The following TSHR variants were observed in gnomAD, a reference collection of about 807,000 sequenced individuals.
TSHR encodes the protein thyrotropin receptor.
A neutral mutation model predicts 64.1 loss-of-function variants in TSHR; 51 were observed. The observed-to-expected ratio is 0.80, with a 90% CI of 0.64 to 1.01. The LOEUF is 1.01. Ranked by LOEUF, TSHR falls within the 50% of genes least tolerant of loss-of-function variation. The pLI is 0.00. For missense variants in TSHR, 877 were observed against 942.8 expected (o/e 0.93, Z 0.91); for synonymous variants, 361 against 361.9 (o/e 1.00, Z 0.03).
At chr14:81,003,627 C>T (rs969981872) in intron 1 of TSHR, 5 of 185,132 alleles carry the variant, frequency 2.7e-5, no homozygotes, top group African/African-American at 2.3e-5. Context: ...TTTTCTGGGT[C>T]GAGTGAATAG....
chr14:81,138,266 C>T, intron 8 of TSHR, among the ~76,000 whole-genome samples: 1 of 149,490 alleles, frequency 6.7e-6, no homozygotes, highest in Non-Finnish European at 1.5e-5. Context: ...TCTCAGCTCA[C>T]TGCAACTTCC....
intron 7 of TSHR, among the ~76,000 whole-genome samples, chr14:81,107,595 G>A (rs1889977223): frequency 6.6e-6 from 1 of 152,026 alleles, no homozygotes. Flanking sequence ...ACCCTCTAAT[G>A]CCCAGTGTGT....
chr14:80,958,971 T>C (rs1197472346), intron 1 of TSHR, among the ~76,000 whole-genome samples: 1 of 152,234 alleles, frequency 6.6e-6, no homozygotes, highest in Non-Finnish European at 1.5e-5. Context: ...TTAGACATTT[T>C]ACAAATTATG....
rs183948662 is a variant in TSHR at position 81,126,356 on chromosome 14, A to T, written c.693-13323A>T. On this transcript the variant is annotated intron_variant, in intron 8 of 9. Transcript: ENST00000298171. The stretch of plus-strand genomic sequence containing the variant: ...CCCGAAAGATTTTTACTTTAAATAA[A>T]AGTTCTCCAAAACACCAGGAGCCAC... Among the ~76,000 whole-genome samples, 4 of 152,294 alleles carry T rather than the reference A, an allele frequency of 2.6e-5. No individual in the cohort carries two copies. In the East Asian group the frequency reaches 7.7e-4, roughly 29 times the overall value.
At chr14:80,980,082 C>G (rs879860897) in intron 1 of TSHR, among the ~76,000 whole-genome samples, 2 of 152,166 alleles carry the variant, frequency 1.3e-5, no homozygotes, top group African/African-American at 2.4e-5. Context: ...TTAGTCACTT[C>G]TATTATTTCA....
chr14:81,016,544 C>G (rs372376488), intron 1 of TSHR, among the ~76,000 whole-genome samples: 94 of 152,134 alleles, frequency 6.2e-4, no homozygotes, highest in African/African-American at 1.5e-3. Context: ...ATATAGTTCA[C>G]AAATATTTTC....
chr14:80,959,231 C>A lies in TSHR; in HGVS notation c.170+3381C>A, dbSNP rs558664087. On this transcript the variant is annotated intron_variant, in intron 1 of 9. Transcript: ENST00000298171. ...AGGGAGAGCTGGGATCCCTACTTCC[C>A]CCACTGCCAGTGGAACATTCTAGAA... Among the ~76,000 whole-genome samples the A allele has an allele frequency of 2.6e-5, 4 of 152,180 alleles. No individual in the cohort carries two copies. The South Asian group carries it at 6.2e-4, about 24-fold the overall frequency.
chr14:81,090,390 G>A (rs1048019473), intron 4 of TSHR, among the ~76,000 whole-genome samples: 7 of 152,126 alleles, frequency 4.6e-5, no homozygotes, highest in African/African-American at 9.7e-5. Context: ...GATTACAGGC[G>A]CATGCCAACA....
rs959214856 is a variant in TSHR at position 81,108,774 on chromosome 14, A to G, written c.692+322A>G. The G allele has an allele frequency of 2.5e-6, 4 of 1,599,576 alleles. No individual in the cohort carries two copies. The African/African-American group carries it at 5.3e-5, about 21-fold the overall frequency. On this transcript the variant is annotated intron_variant, in intron 8 of 9. Transcript: ENST00000298171. ...TGAAAAATTTTGAAATGCAAGATCC[A>G]CAACTAGATGGAAGGCACTCTAGTC...
chr14:81,016,165 G>A (rs1056778443), intron 1 of TSHR, among the ~76,000 whole-genome samples: 1 of 152,116 alleles, frequency 6.6e-6, no homozygotes, highest in African/African-American at 2.4e-5. Context: ...GAATCATATG[G>A]TGGCTCTATT....
At chr14:81,126,037 G>A (rs150724126) in intron 8 of TSHR, among the ~76,000 whole-genome samples, 1 of 152,158 alleles carries the variant, frequency 6.6e-6, no homozygotes, top group Non-Finnish European at 1.5e-5. Context: ...GAACAGAAGA[G>A]TCACATTGAC....
chr14:80,982,605 T>C (rs1046756183), intron 1 of TSHR: 6 of 768,468 alleles, frequency 7.8e-6, no homozygotes, highest in East Asian at 7.2e-5. Context: ...ATGAAATTAA[T>C]GGAAAAAAAA....
At chr14:81,038,657 C>T (rs1884772783) in intron 1 of TSHR, among the ~76,000 whole-genome samples, 1 of 150,216 alleles carries the variant, frequency 6.7e-6, no homozygotes, top group South Asian at 2.1e-4. Flanking sequence ...GCCATTATAC[C>T]TGATACCACA....
chr14:81,074,278 A>G (rs1887329895), intron 3 of TSHR, among the ~76,000 whole-genome samples: 1 of 152,210 alleles, frequency 6.6e-6, no homozygotes, highest in Non-Finnish European at 1.5e-5. Context: ...TCTAATATGT[A>G]TCTGACATTA....
intron 7 of TSHR, among the ~76,000 whole-genome samples, chr14:81,102,101 G>A (rs1476200283): frequency 6.6e-6 from 1 of 151,832 alleles, no homozygotes; most frequent in Non-Finnish European, 1.5e-5. Context: ...GAACCCGGGA[G>A]GCGGAGCTTG....
At chr14:81,015,790 C>T (rs753389829) in intron 1 of TSHR, among the ~76,000 whole-genome samples, 7 of 152,058 alleles carry the variant, frequency 4.6e-5, no homozygotes, top group Non-Finnish European at 1.0e-4. Flanking sequence ...CTCATCCCCC[C>T]ACTCCTCACC....
At chr14:81,121,667 C>T (rs1202697013) in intron 8 of TSHR, among the ~76,000 whole-genome samples, 2 of 152,074 alleles carry the variant, frequency 1.3e-5, no homozygotes, top group African/African-American at 4.8e-5. Context: ...GTTGGCTGGG[C>T]ACGGTGTATC....
intron 1 of TSHR, among the ~76,000 whole-genome samples, chr14:81,008,042 T>C (rs149128489): frequency 1.3e-5 from 2 of 152,172 alleles, no homozygotes; most frequent in East Asian, 1.9e-4. Flanking sequence ...GGTTGGAGAG[T>C]AGGGGTATGT....
intron 1 of TSHR, chr14:81,032,858 CTG>C (rs1007962790): frequency 2.7e-6 from 1 of 367,794 alleles, no homozygotes; most frequent in Non-Finnish European, 5.3e-6. Flanking sequence ...AGGCTAGTGA[CTG>C]TGATCAACAG....
Sources: allele counts gnomAD v4.1 joint callset (sites outside exome capture counted in the v4.1 genomes callset), GRCh38; gene constraint gnomAD v4.1.1; transcripts MANE v1.5; gene names NCBI Gene and HGNC (gene_info 2026-07-23, HGNC 2026-07-21).